The following DMXL1 variants were observed in gnomAD, a reference collection of about 807,000 sequenced individuals.
DMXL1 encodes the protein dmX-like protein 1.
Under a neutral mutation model 319.2 loss-of-function variants are expected in DMXL1, and 99 were observed. That is an observed-to-expected ratio of 0.31 (90% CI 0.26 to 0.37). DMXL1 has a LOEUF of 0.37. Among genes scored for constraint, DMXL1 ranks in the 10% least tolerant of loss-of-function variants. DMXL1 has a pLI of 1.00. For missense variants in DMXL1, 3,745 were observed against 3,595.6 expected, an observed-to-expected ratio of 1.04 and a Z score of -1.06; for synonymous variants, 1,385 against 1,235.2, an observed-to-expected ratio of 1.12 and a Z score of -2.54.
At chr5:119,141,073 C>T (rs548081554) in intron 13 of DMXL1, among the ~76,000 whole-genome samples, 1 of 152,238 alleles carries the variant, frequency 6.6e-6, no homozygotes, top group East Asian at 1.9e-4. Flanking sequence ...GTTAAAAACT[C>T]TCAATAAACT....
intron 19 of DMXL1, among the ~76,000 whole-genome samples, chr5:119,163,326 T>G (rs1380871425): frequency 6.6e-6 from 1 of 152,228 alleles, no homozygotes; most frequent in African/African-American, 2.4e-5. Flanking sequence ...CAAAAGCAAC[T>G]GCAGTTTTTG....
chr5:119,151,906 G>A (rs1423557958), intron 18 of DMXL1, 23 bp from the exon 19 acceptor site: 2 of 1,529,488 alleles, frequency 1.3e-6, no homozygotes, highest in Non-Finnish European at 1.8e-6. Flanking sequence ...TTAATACATT[G>A]CTTCCCCTTT....
rs1232840255 is a variant in DMXL1 at position 119,173,718 on chromosome 5, GTA to G, written c.6682-1531_6682-1530del. On this transcript the variant is annotated intron_variant, in intron 25 of 43. Transcript: ENST00000539542. Reference sequence around the variant, plus strand: ...TGTGTGTATATATATATGTGTGTGTGTATATATATATATGTGTGTATATATAT... The same window carrying G: ...TGTGTGTATATATATATGTGTGTGTGTATATATATATGTGTGTATATATAT... Among the ~76,000 whole-genome samples the G allele has an allele frequency of 5.0e-3, 627 of 126,132 alleles. 7 individuals carry two copies. Among genetic ancestry groups the G allele is most frequent in the African/African-American group, 0.013 (455 of 34,142 alleles). 82.7% of individuals were successfully genotyped at this position (126,132 alleles called of 152,430 possible).
chr5:119,231,995 G>C (rs1786826913), intron 38 of DMXL1, among the ~76,000 whole-genome samples: 1 of 152,028 alleles, frequency 6.6e-6, no homozygotes, highest in Admixed American at 6.6e-5. Context: ...TTAAGAGACA[G>C]GGTCTCATTA....
chr5:119,173,776 G>GTATATATATATATATATATATA (rs758312462), intron 25 of DMXL1, among the ~76,000 whole-genome samples: 3,136 of 66,448 alleles, frequency 0.047, 295 homozygotes, highest in Non-Finnish European at 0.058. Context: ...ATGTGTGTGT[G>GTATATATATATATATATATATA]TATATATATA....
At chr5:119,179,248 G>C (rs946649426) in intron 28 of DMXL1, among the ~76,000 whole-genome samples, 1 of 144,184 alleles carries the variant, frequency 6.9e-6, no homozygotes, top group Admixed American at 7.1e-5. Flanking sequence ...CATAGTACTT[G>C]AAAACTTATT....
At chr5:119,122,133 G>A (rs1474237260) in intron 9 of DMXL1, among the ~76,000 whole-genome samples, 1 of 135,308 alleles carries the variant, frequency 7.4e-6, no homozygotes, top group African/African-American at 2.8e-5. Flanking sequence ...GGCCGGGCGG[G>A]GGGCTGACCC....
chr5:119,159,968 C>G (rs1382191749), intron 19 of DMXL1, among the ~76,000 whole-genome samples: 2 of 152,156 alleles, frequency 1.3e-5, no homozygotes, highest in Non-Finnish European at 2.9e-5. Context: ...TTATATTTAT[C>G]TTTCCAGAAA....
At chr5:119,218,169 G>A (rs1784017103) in intron 35 of DMXL1, among the ~76,000 whole-genome samples, 1 of 152,020 alleles carries the variant, frequency 6.6e-6, no homozygotes, top group Non-Finnish European at 1.5e-5. Flanking sequence ...TAGAGGCCAG[G>A]AGTTTGATAC....
Position 119,189,722 on chromosome 5 carries a change from G to A in DMXL1, c.7150G>A (p.Glu2384Lys). The change falls in exon 29 of 44, where the codon GAA becomes AAA. Residue 2384 changes from glutamate to lysine, a missense_variant. Around this residue, in one of 4 missense-constraint regions of DMXL1, gnomAD observed 1,382 missense variants for 1,269.5 expected, o/e 1.09. Coordinates refer to ENST00000539542, the MANE Select transcript of DMXL1 (RefSeq NM_001290321.3). ...CTTTTTGTTAGTTTCTTCACTAGTT[G>A]AAGAAGGAGAAAAACAGAACAAACG... is the stretch of plus-strand genomic sequence containing the variant. ...SKTLPVSSLVEEGEKQNKRFR... is the reference protein window; with the variant it reads ...SKTLPVSSLVKEGEKQNKRFR... 1 of 1,613,752 alleles carries A rather than the reference G, an allele frequency of 6.2e-7. No individual in the cohort carries two copies. Among genetic ancestry groups the A allele is most frequent in the East Asian group, 2.2e-5 (1 of 44,864 alleles).
At chr5:119,193,701 T>A (rs1779104601) in intron 29 of DMXL1, 127 bp from the exon 30 acceptor site, 1 of 926,188 alleles carries the variant, frequency 1.1e-6, no homozygotes, top group Non-Finnish European at 1.6e-6. Flanking sequence ...GATGGTAAGA[T>A]AATAGTTACT....
At chr5:119,203,612 TTTAA>T (rs772844337) in intron 33 of DMXL1, among the ~76,000 whole-genome samples, 176 bp downstream of exon 33, 98 of 152,166 alleles carry the variant, frequency 6.4e-4, no homozygotes, top group Non-Finnish European at 1.2e-3. Flanking sequence ...CATAAATCAA[TTTAA>T]TTAATTCAAA....
At position 119,118,670 on chromosome 5, in the gene DMXL1, T is replaced by G. The variant is rs549544006; in HGVS notation, c.744-145T>G. Reference sequence around the variant, plus strand: ...AGAAAAGAAATAGGTTGGCAAGCATTTGCTGTGATGAAATCTGTACATATT... The same window carrying G: ...AGAAAAGAAATAGGTTGGCAAGCATGTGCTGTGATGAAATCTGTACATATT... On this transcript the variant is annotated intron_variant, in intron 7 of 43. Transcript: ENST00000539542. 1.9e-4 allele frequency: 103 copies of G among 541,770 alleles called. 1 individual carries two copies. In the South Asian group the frequency reaches 3.4e-3, roughly 18 times the overall value. The allele number at this position is 541,770 out of a possible 1,614,324, so 33.6% of individuals were successfully genotyped here. A position where few individuals can be genotyped will look rare whatever the true frequency, so the allele number is the denominator to read the frequency against.
chr5:119,097,571 GC>G (rs988034797), intron 1 of DMXL1, among the ~76,000 whole-genome samples: 75 of 152,236 alleles, frequency 4.9e-4, no homozygotes, highest in African/African-American at 1.4e-3. Context: ...CAAAAAACTA[GC>G]CGGGCGTGGT....
chr5:119,105,610 T>TA (rs1384515990), intron 4 of DMXL1, among the ~76,000 whole-genome samples: 2 of 151,790 alleles, frequency 1.3e-5, no homozygotes, highest in Non-Finnish European at 2.9e-5. Context: ...TTTAAGAAAA[T>TA]ATATGCCAGG....
chr5:119,218,109 G>A (rs2150562524), intron 35 of DMXL1, among the ~76,000 whole-genome samples: 1 of 152,138 alleles, frequency 6.6e-6, no homozygotes, highest in Non-Finnish European at 1.5e-5. Flanking sequence ...AGGTGTGGTT[G>A]CTCACACCTG....
intron 13 of DMXL1, among the ~76,000 whole-genome samples, chr5:119,141,925 C>T (rs1231444174): frequency 1.3e-5 from 2 of 151,646 alleles, no homozygotes; most frequent in Non-Finnish European, 2.9e-5. Flanking sequence ...GCACATTGAC[C>T]AATGGAACAC....
At chr5:119,080,307 G>A (rs573872833) in intron 1 of DMXL1, among the ~76,000 whole-genome samples, 3 of 152,072 alleles carry the variant, frequency 2.0e-5, no homozygotes, top group South Asian at 2.1e-4. Context: ...AGATTGTCTC[G>A]CTGCACTCCA....
At chr5:119,112,331 A>G (rs182489594) in intron 5 of DMXL1, among the ~76,000 whole-genome samples, 63 of 152,320 alleles carry the variant, frequency 4.1e-4, no homozygotes, top group African/African-American at 9.9e-4. Context: ...TACCCTTTAA[A>G]TAAGATTGCC....
Sources: gnomAD v4.1 joint callset for allele counts (sites outside exome capture counted in the v4.1 genomes callset) on GRCh38, gnomAD v4.1.1 for gene constraint, gnomAD v4.1.1 regional missense constraint, MANE v1.5 for transcripts, NCBI Gene and HGNC (gene_info 2026-07-23, HGNC 2026-07-21) for gene names.